The following PAGE2B variants were observed in gnomAD, a reference collection of about 807,000 sequenced individuals.
PAGE2B encodes PAGE family member 2B.
Under a neutral mutation model 7.6 loss-of-function variants are expected in PAGE2B, and 5 were observed. That is an observed-to-expected ratio of 0.66 (90% CI 0.34 to 1.38). PAGE2B has a LOEUF of 1.38. Ranked by LOEUF, PAGE2B falls within the 40% of genes most tolerant of loss-of-function variation. PAGE2B has a pLI of 0.04. For synonymous variants in PAGE2B, 29 were observed against 26.7 expected (o/e 1.09, Z -0.27); for missense variants, 70 against 78.4 (o/e 0.89, Z 0.41).
chrX:55,069,859 G>A, the PAGE2B span, among the ~76,000 whole-genome samples: 1 of 111,826 alleles, frequency 8.9e-6, no homozygotes. Flanking sequence ...ACTGATGGTA[G>A]TTTGTATTTC....
At chrX:55,054,682 A>G in the PAGE2B span, among the ~76,000 whole-genome samples, 1 of 112,387 alleles carries the variant, frequency 8.9e-6, no homozygotes, top group Non-Finnish European at 1.9e-5. Flanking sequence ...CATCTTCAGT[A>G]TGCCGCATTA....
chrX:55,070,904 C>T (rs1332694393), upstream of PAGE2B, among the ~76,000 whole-genome samples: 1 of 111,257 alleles, frequency 9.0e-6, no homozygotes, highest in Admixed American at 9.6e-5. Flanking sequence ...TCCTCCATCC[C>T]TTTATTTTGA....
chrX:55,051,711 T>C, the PAGE2B span, among the ~76,000 whole-genome samples: 1 of 111,638 alleles, frequency 9.0e-6, no homozygotes, highest in Non-Finnish European at 1.9e-5. Context: ...TCCAGTCGTC[T>C]AATTTTTTTT....
the PAGE2B span, among the ~76,000 whole-genome samples, chrX:55,069,303 G>C: frequency 9.0e-6 from 1 of 111,720 alleles, no homozygotes; most frequent in Non-Finnish European, 1.9e-5. Context: ...TAATCATGTG[G>C]TTTTTGTCAT....
At chrX:55,053,206 T>A in the PAGE2B span, among the ~76,000 whole-genome samples, 1 of 111,690 alleles carries the variant, frequency 9.0e-6, no homozygotes, top group South Asian at 3.8e-4. Flanking sequence ...AGGAATGAGA[T>A]CATGTCCTTT....
chrX:55,041,693 C>T, the PAGE2B span, among the ~76,000 whole-genome samples: 1 of 111,838 alleles, frequency 8.9e-6, no homozygotes, highest in African/African-American at 3.3e-5. Context: ...CTCCCCCACA[C>T]AGTGGTCTCC....
the PAGE2B span, chrX:55,031,048 C>T: frequency 9.2e-6 from 3 of 325,472 alleles, no homozygotes; most frequent in Admixed American, 3.3e-5. Flanking sequence ...TGCCTTCTGC[C>T]GGCCTGGCCC....
At chrX:55,053,141 C>A in the PAGE2B span, among the ~76,000 whole-genome samples, 1 of 112,083 alleles carries the variant, frequency 8.9e-6, no homozygotes, top group South Asian at 3.7e-4. Flanking sequence ...CAGTGATAGA[C>A]TGGATAAAGA....
the PAGE2B span, chrX:55,030,955 C>T: frequency 2.9e-6 from 1 of 342,360 alleles, no homozygotes; most frequent in Non-Finnish European, 5.9e-6. Flanking sequence ...TTGCCCTGCA[C>T]TGAGGACGAA....
the PAGE2B span, among the ~76,000 whole-genome samples, chrX:55,048,598 T>C: frequency 9.0e-6 from 1 of 111,705 alleles, no homozygotes; most frequent in Non-Finnish European, 1.9e-5. Context: ...ATGATTTGGC[T>C]CTCTGTTTGT....
At chrX:55,068,931 A>T in the PAGE2B span, among the ~76,000 whole-genome samples, 1 of 111,805 alleles carries the variant, frequency 8.9e-6, no homozygotes, top group African/African-American at 3.3e-5. Flanking sequence ...GCTTAAGGAG[A>T]TTTGGGGCTG....
chrX:55,044,809 A>C, the PAGE2B span: 4 of 111,854 alleles, frequency 3.6e-5, no homozygotes, highest in African/African-American at 1.3e-4. Flanking sequence ...ACATTCATAA[A>C]GTTTTTCTCT....
chrX:55,039,708 T>A, the PAGE2B span, among the ~76,000 whole-genome samples: 1 of 111,732 alleles, frequency 8.9e-6, no homozygotes. Flanking sequence ...TATTATCTTG[T>A]CGATTTCTCA....
the PAGE2B span, among the ~76,000 whole-genome samples, chrX:55,053,377 G>A: frequency 2.7e-5 from 3 of 111,540 alleles, no homozygotes; most frequent in East Asian, 2.8e-4. Context: ...TCAAGGGGGC[G>A]AGGGGAGGGA....
chrX:55,041,420 G>C, the PAGE2B span, among the ~76,000 whole-genome samples: 2 of 111,527 alleles, frequency 1.8e-5, no homozygotes, highest in Non-Finnish European at 3.8e-5. Context: ...AAAAATACTG[G>C]TTTATTTTTA....
the PAGE2B span, among the ~76,000 whole-genome samples, chrX:55,064,572 T>A: frequency 9.0e-6 from 1 of 111,587 alleles, no homozygotes; most frequent in Non-Finnish European, 1.9e-5. Context: ...CTTTATTATT[T>A]CTTTTCTTCT....
chrX:55,062,381 G>A, the PAGE2B span, among the ~76,000 whole-genome samples: 4 of 111,698 alleles, frequency 3.6e-5, no homozygotes, highest in Non-Finnish European at 7.6e-5. Context: ...ATACCTGTTT[G>A]CTATTTGTAT....
At chrX:55,050,789 G>T in the PAGE2B span, among the ~76,000 whole-genome samples, 1 of 111,382 alleles carries the variant, frequency 9.0e-6, no homozygotes, top group African/African-American at 3.3e-5. Flanking sequence ...CTTTTAATTG[G>T]AGCATTTAGC....
chrX:55,035,764 T>A, the PAGE2B span, among the ~76,000 whole-genome samples: 14 of 112,282 alleles, frequency 1.2e-4, no homozygotes, highest in Non-Finnish European at 2.3e-4. Flanking sequence ...ACTGATAATA[T>A]CTACTTTATA....
Sources: allele counts gnomAD v4.1 joint callset (sites outside exome capture counted in the v4.1 genomes callset), GRCh38; gene constraint gnomAD v4.1.1; transcripts MANE v1.5; gene names NCBI Gene and HGNC (gene_info 2026-07-23, HGNC 2026-07-21).